Variants in PRELID2 observed in about 807,000 individuals in gnomAD.
PRELID2 encodes PRELI domain containing 2, also known as PRELI domain-containing protein 2.
In PRELID2, 25 loss-of-function variants were observed where a neutral mutation model predicts 28.4. That is an observed-to-expected ratio of 0.88 (90% CI 0.64 to 1.23). The LOEUF is 1.23. PRELID2 is among the 50% of genes most tolerant of loss of function. The pLI is 0.00. For synonymous variants in PRELID2, 76 were observed against 71.6 expected (o/e 1.06, Z -0.31); for missense variants, 201 against 214.4 (o/e 0.94, Z 0.39).
At chr5:145,569,103 A>G (rs2149616260) in intron 1 of PRELID2, among the ~76,000 whole-genome samples, 1 of 152,344 alleles carries the variant, frequency 6.6e-6, no homozygotes, top group Middle Eastern at 3.4e-3. Context: ...CTCACCAGTT[A>G]AGACCCATTG....
the PRELID2 span, among the ~76,000 whole-genome samples, chr5:145,365,726 T>C: frequency 2.6e-5 from 4 of 151,898 alleles, no homozygotes; most frequent in African/African-American, 9.7e-5. Context: ...CACTAACTGA[T>C]GGAGTGGCCT....
At chr5:145,369,027 C>T in the PRELID2 span, among the ~76,000 whole-genome samples, 1 of 151,826 alleles carries the variant, frequency 6.6e-6, no homozygotes, top group Non-Finnish European at 1.5e-5. Flanking sequence ...CGTGTATTTT[C>T]ATCATTGATC....
intron 1 of PRELID2, among the ~76,000 whole-genome samples, chr5:145,723,670 T>C (rs1024209195): frequency 1.3e-5 from 2 of 152,280 alleles, no homozygotes; most frequent in African/African-American, 4.8e-5. Flanking sequence ...TCTATCACAT[T>C]GGCAAAAAGT....
At chr5:145,524,493 T>C (rs1752591388) in intron 1 of PRELID2, among the ~76,000 whole-genome samples, 1 of 152,152 alleles carries the variant, frequency 6.6e-6, no homozygotes, top group Non-Finnish European at 1.5e-5. Flanking sequence ...TGAGAAACAG[T>C]AGAAACCATT....
the PRELID2 span, among the ~76,000 whole-genome samples, chr5:145,326,219 T>C: frequency 6.6e-6 from 1 of 152,156 alleles, no homozygotes; most frequent in African/African-American, 2.4e-5. Flanking sequence ...TTGCCCAGGC[T>C]GGTCTCCAAC....
At chr5:145,740,610 ATATAAATATATATATATTATATATAT>A (rs1342146023) in intron 1 of PRELID2, among the ~76,000 whole-genome samples, 4 of 10,304 alleles carry the variant, frequency 3.9e-4, no homozygotes, top group Non-Finnish European at 2.2e-3. Context: ...TATATTATAT[ATATAAATATATATATATTATATATAT>A]AAATATATAT....
intron 4 of PRELID2, among the ~76,000 whole-genome samples, chr5:145,802,053 A>G (rs928320942): frequency 8.5e-5 from 13 of 152,204 alleles, no homozygotes; most frequent in Non-Finnish European, 1.6e-4. Context: ...GTCACTGCCT[A>G]TTAAGGCAGG....
chr5:145,328,884 T>C, the PRELID2 span, among the ~76,000 whole-genome samples: 3 of 152,226 alleles, frequency 2.0e-5, no homozygotes, highest in African/African-American at 7.2e-5. Context: ...ACCTAGGTCT[T>C]ATTCTAGGGA....
At chr5:145,443,979 G>A in the PRELID2 span, among the ~76,000 whole-genome samples, 2 of 152,026 alleles carry the variant, frequency 1.3e-5, no homozygotes, top group African/African-American at 2.4e-5. Context: ...ATTATGAAAT[G>A]TTTTATTTTC....
the PRELID2 span, among the ~76,000 whole-genome samples, chr5:145,440,033 T>A: frequency 1.4e-4 from 21 of 152,090 alleles, no homozygotes; most frequent in Admixed American, 1.4e-3. Flanking sequence ...CAGCAGGCTA[T>A]CCTCCAGTCT....
chr5:145,401,279 G>C, the PRELID2 span, among the ~76,000 whole-genome samples: 3 of 150,904 alleles, frequency 2.0e-5, no homozygotes, highest in African/African-American at 7.3e-5. Context: ...GGTAAAATAT[G>C]AATAAAGAGG....
the PRELID2 span, among the ~76,000 whole-genome samples, chr5:145,426,810 A>C: frequency 6.6e-6 from 1 of 152,190 alleles, no homozygotes; most frequent in Non-Finnish European, 1.5e-5. Context: ...CCTTGAATAG[A>C]AAGAATATGG....
rs188977358 is a variant in PRELID2 at position 145,740,466 on chromosome 5, C to T, written n.70+24465G>A. On this transcript the variant is annotated intron_variant and non_coding_transcript_variant, in intron 1 of 2. Transcript: ENST00000510259. ...CAATTGGTACAACACCTAGATAGAACACCAACTAGGATATAGAAGAATGCA... is the reference window on the plus strand; with the variant it reads ...CAATTGGTACAACACCTAGATAGAATACCAACTAGGATATAGAAGAATGCA... 1.5e-3 allele frequency among the ~76,000 whole-genome samples: 215 copies of T among 140,210 alleles called. 2 individuals are homozygous for T. The highest frequency in any genetic ancestry group is 5.0e-3 in the African/African-American group (195 of 38,704). The allele number at this position is 140,210 out of a possible 152,430, so 92.0% of individuals were successfully genotyped here. A position where few individuals can be genotyped will look rare whatever the true frequency, so the allele number is the denominator to read the frequency against.
At chr5:145,370,345 A>G in the PRELID2 span, among the ~76,000 whole-genome samples, 1 of 152,114 alleles carries the variant, frequency 6.6e-6, no homozygotes, top group Non-Finnish European at 1.5e-5. Flanking sequence ...GCATATGGCT[A>G]GCCAGTTTTC....
chr5:145,636,443 G>A (rs887302276), intron 1 of PRELID2, among the ~76,000 whole-genome samples: 10 of 152,180 alleles, frequency 6.6e-5, no homozygotes, highest in African/African-American at 2.2e-4. Context: ...AACAAAGAGA[G>A]CCCCAGGCAC....
At chr5:145,697,076 T>A (rs1441646298) in intron 1 of PRELID2, among the ~76,000 whole-genome samples, 1 of 110,432 alleles carries the variant, frequency 9.1e-6, no homozygotes, top group African/African-American at 4.0e-5. Flanking sequence ...TATATATATA[T>A]ATATACACAC....
At chr5:145,324,890 A>G in the PRELID2 span, among the ~76,000 whole-genome samples, 1 of 152,196 alleles carries the variant, frequency 6.6e-6, no homozygotes, top group South Asian at 2.1e-4. Context: ...ATATAAAGGA[A>G]TAATTAGGGA....
the PRELID2 span, among the ~76,000 whole-genome samples, chr5:145,452,923 T>G: frequency 6.6e-6 from 1 of 152,168 alleles, no homozygotes; most frequent in Admixed American, 6.6e-5. Context: ...CCAGTTCCTC[T>G]TGCTGAAAAC....
chr5:145,753,676 T>C (rs892950854), downstream of PRELID2, among the ~76,000 whole-genome samples: 1 of 152,134 alleles, frequency 6.6e-6, no homozygotes, highest in Admixed American at 6.5e-5. Context: ...CATGCAACCC[T>C]GATGCTGGGG....
Sources: gnomAD v4.1 joint callset for allele counts (sites outside exome capture counted in the v4.1 genomes callset) on GRCh38, gnomAD v4.1.1 for gene constraint, MANE v1.5 for transcripts, NCBI Gene and HGNC (gene_info 2026-07-23, HGNC 2026-07-21) for gene names.